SUSD6: variants seen among roughly 807,000 people sequenced by gnomAD.
SUSD6 encodes sushi domain containing 6, also known as sushi domain-containing protein 6.
In SUSD6, 16 loss-of-function variants were observed where a neutral mutation model predicts 28.4. The observed-to-expected ratio is 0.56, with a 90% confidence interval of 0.38 to 0.86. SUSD6 has a LOEUF of 0.86. Ranked by LOEUF, SUSD6 falls within the 40% of genes least tolerant of loss-of-function variation. The pLI is 0.00. For missense variants in SUSD6, 341 were observed against 384.2 expected, an observed-to-expected ratio of 0.89 and a Z score of 0.94; for synonymous variants, 147 against 159.6, an observed-to-expected ratio of 0.92 and a Z score of 0.59.
In SUSD6 at chr14:69,698,540, G is replaced by C. The variant is rs1214862392; in HGVS notation, c.122-4855G>C. ...CCTTTCCTGGAGCTTATTTTGCTTTGCTTGTTTTGGAATGTTGTAAAAGTT... is the reference window on the plus strand; with the variant it reads ...CCTTTCCTGGAGCTTATTTTGCTTTCCTTGTTTTGGAATGTTGTAAAAGTT... On this transcript the variant is annotated intron_variant, in intron 2 of 5. Coordinates refer to ENST00000342745, the MANE Select transcript of SUSD6 (RefSeq NM_014734.4). Among the ~76,000 whole-genome samples, 6 of 152,216 alleles carry C rather than the reference G, an allele frequency of 3.9e-5. 1 individual carries two copies. The highest frequency in any genetic ancestry group is 3.9e-4 in the Admixed American group (6 of 15,290).
At chr14:69,654,791 G>GTTTTTT (rs1885556546) in intron 1 of SUSD6, among the ~76,000 whole-genome samples, 1 of 32,426 alleles carries the variant, frequency 3.1e-5, no homozygotes, top group Non-Finnish European at 9.4e-5. Context: ...TTTTTTTTTG[G>GTTTTTT]TGTGTGTGTG....
chr14:69,639,313 CAAAAAAAAA>C (rs57837741), intron 1 of SUSD6, among the ~76,000 whole-genome samples: 18 of 54,602 alleles, frequency 3.3e-4, no homozygotes, highest in Admixed American at 8.0e-4. Context: ...GACTCCGTCT[CAAAAAAAAA>C]AAAAAAAAAA....
intron 2 of SUSD6, among the ~76,000 whole-genome samples, chr14:69,660,716 T>G (rs972289455): frequency 5.3e-5 from 8 of 152,238 alleles, no homozygotes; most frequent in African/African-American, 1.9e-4. Flanking sequence ...TTTATATTTT[T>G]AAATGGTTGG....
chr14:69,651,675 T>C (rs759382330), intron 1 of SUSD6, among the ~76,000 whole-genome samples: 4 of 152,180 alleles, frequency 2.6e-5, no homozygotes, highest in Non-Finnish European at 5.9e-5. Context: ...TGGGAGAAGA[T>C]AGAAGGCATC....
chr14:69,692,879 A>G (rs1035862876), intron 2 of SUSD6, among the ~76,000 whole-genome samples: 2 of 152,208 alleles, frequency 1.3e-5, no homozygotes, highest in Non-Finnish European at 2.9e-5. Flanking sequence ...AGGACCAGTC[A>G]TCTCCTCTGG....
chr14:69,623,660 G>A (rs1037735700), intron 1 of SUSD6, among the ~76,000 whole-genome samples: 3 of 152,176 alleles, frequency 2.0e-5, no homozygotes, highest in African/African-American at 4.8e-5. Context: ...TAACAGTTCT[G>A]TTCCTGCCTT....
chr14:69,661,523 C>G (rs1430017050), intron 2 of SUSD6, among the ~76,000 whole-genome samples: 2 of 152,300 alleles, frequency 1.3e-5, no homozygotes, highest in East Asian at 3.9e-4. Context: ...TTTCTACTCC[C>G]CATAAAACAT....
Position 69,639,610 on chromosome 14 carries a change from T to G in SUSD6, c.-80-18903T>G, listed in dbSNP as rs139639435. On this transcript the variant is annotated intron_variant, in intron 1 of 5. Coordinates refer to ENST00000342745, the MANE Select transcript of SUSD6 (RefSeq NM_014734.4). ...TGGACAAAAAGGCTTTCCAGTGGTTTGGGGGAGTTTTGCACCACATGTACA... is the reference window on the plus strand; with the variant it reads ...TGGACAAAAAGGCTTTCCAGTGGTTGGGGGGAGTTTTGCACCACATGTACA... 6.6e-5 allele frequency among the ~76,000 whole-genome samples: 10 copies of G among 152,268 alleles called. No individual in the cohort carries two copies. The East Asian group carries it at 1.2e-3, about 18-fold the overall frequency.
chr14:69,614,362 C>T (rs1270770647), intron 1 of SUSD6, among the ~76,000 whole-genome samples: 1 of 152,162 alleles, frequency 6.6e-6, no homozygotes, highest in Admixed American at 6.5e-5. Flanking sequence ...CCACCGTGCC[C>T]GGCCTGAACT....
chr14:69,694,837 G>C (rs532346209), intron 2 of SUSD6, among the ~76,000 whole-genome samples: 2 of 152,150 alleles, frequency 1.3e-5, no homozygotes, highest in African/African-American at 4.8e-5. Flanking sequence ...GGACAGGTCC[G>C]AGGCCTGTCC....
At chr14:69,641,660 G>C (rs959383706) in intron 1 of SUSD6, among the ~76,000 whole-genome samples, 8 of 152,058 alleles carry the variant, frequency 5.3e-5, no homozygotes, top group Non-Finnish European at 1.2e-4. Context: ...TGTGATCATA[G>C]CTCGTTGCAG....
chr14:69,639,052 G>A (rs138999212), intron 1 of SUSD6, among the ~76,000 whole-genome samples: 199 of 152,284 alleles, frequency 1.3e-3, no homozygotes, highest in South Asian at 3.1e-3. Context: ...CAGGCCGGGT[G>A]CAGTGGCTCA....
intron 2 of SUSD6, among the ~76,000 whole-genome samples, chr14:69,685,310 C>T (rs1464971603): frequency 6.6e-6 from 1 of 152,242 alleles, no homozygotes; most frequent in South Asian, 2.1e-4. Context: ...CCACTTTGCT[C>T]CCCGTTGAGG....
At chr14:69,678,099 T>C (rs1166599232) in intron 2 of SUSD6, among the ~76,000 whole-genome samples, 2 of 152,128 alleles carry the variant, frequency 1.3e-5, no homozygotes, top group Non-Finnish European at 2.9e-5. Flanking sequence ...TTGTTTTATG[T>C]GTTTAAAAAT....
intron 2 of SUSD6, among the ~76,000 whole-genome samples, chr14:69,688,327 A>G (rs961288805): frequency 6.6e-6 from 1 of 152,116 alleles, no homozygotes; most frequent in African/African-American, 2.4e-5. Flanking sequence ...GTGTAGTGTT[A>G]TTTTTCCCAG....
chr14:69,657,784 A>T (rs1275612855), intron 1 of SUSD6, among the ~76,000 whole-genome samples: 1 of 151,750 alleles, frequency 6.6e-6, no homozygotes, highest in Non-Finnish European at 1.5e-5. Context: ...TGATACACAC[A>T]CTCTTTCTCA....
chr14:69,651,647 G>T (rs2139609497), intron 1 of SUSD6, among the ~76,000 whole-genome samples: 1 of 152,320 alleles, frequency 6.6e-6, no homozygotes, highest in African/African-American at 2.4e-5. Flanking sequence ...AGGACTGGAA[G>T]AATCCATTGA....
At chr14:69,691,981 G>GTTGCAT (rs1886159792) in intron 2 of SUSD6, among the ~76,000 whole-genome samples, 1 of 150,468 alleles carries the variant, frequency 6.6e-6, no homozygotes, top group Non-Finnish European at 1.5e-5. Context: ...GGAGGTTGCA[G>GTTGCAT]TGAGCTGAGA....
chr14:69,692,448 C>G (rs1436854921), intron 2 of SUSD6, among the ~76,000 whole-genome samples: 1 of 152,186 alleles, frequency 6.6e-6, no homozygotes, highest in Non-Finnish European at 1.5e-5. Context: ...TCCAGGTGAC[C>G]TCAGTCCATT....
Sources: gnomAD v4.1 joint callset for allele counts (sites outside exome capture counted in the v4.1 genomes callset) on GRCh38, gnomAD v4.1.1 for gene constraint, MANE v1.5 for transcripts, NCBI Gene and HGNC (gene_info 2026-07-23, HGNC 2026-07-21) for gene names.